KIAA0232: variants seen among roughly 807,000 people sequenced by gnomAD.
The protein encoded by KIAA0232 is KIAA0232.
KIAA0232 carries 27 observed loss-of-function variants against 122.0 expected under a neutral mutation model. The ratio of observed to expected loss-of-function variants is 0.22; its 90% CI spans 0.16 to 0.31. The LOEUF (loss-of-function observed/expected upper bound fraction) is 0.31. KIAA0232 is among the 10% of genes least tolerant of loss of function. The pLI is 1.00. For synonymous variants in KIAA0232, 613 were observed against 587.6 expected (o/e 1.04, Z -0.63); for missense variants, 1,551 against 1,634.2 (o/e 0.95, Z 0.88).
intron 8 of KIAA0232, among the ~76,000 whole-genome samples, chr4:6,872,641 C>T (rs1002053307): frequency 6.6e-5 from 10 of 152,194 alleles, no homozygotes; most frequent in Admixed American, 6.5e-4. Flanking sequence ...TTGGCTACCA[C>T]ATTTATTTAA....
At chr4:6,859,189 C>A (rs1720727289) in intron 6 of KIAA0232, among the ~76,000 whole-genome samples, 3 of 151,430 alleles carry the variant, frequency 2.0e-5, no homozygotes, top group African/African-American at 7.3e-5. Flanking sequence ...CTGTTTACTG[C>A]AGAGGGAACA....
At chr4:6,867,333 G>A (rs1193575866) in intron 7 of KIAA0232, among the ~76,000 whole-genome samples, 1 of 152,176 alleles carries the variant, frequency 6.6e-6, no homozygotes, top group Non-Finnish European at 1.5e-5. Context: ...GACGGAGGCA[G>A]GGCAGTCCAG....
At chr4:6,850,474 A>C (rs947776546) in intron 4 of KIAA0232, among the ~76,000 whole-genome samples, 3 of 152,036 alleles carry the variant, frequency 2.0e-5, no homozygotes, top group African/African-American at 7.2e-5. Flanking sequence ...ACCATACTCT[A>C]TATATTTTTG....
Position 6,863,003 on chromosome 4 carries a change from C to T in KIAA0232, c.2621C>T (p.Pro874Leu). The part of the protein sequence containing the change: ...AEAELETLQE[P>L]DKAVRRSEYH... ...GCTGAACTGGAGACCCTTCAGGAGC[C>T]TGATAAGGCTGTGCGGAGGTCAGAG... The change falls in exon 7 of 10, where the codon CCT becomes CTT. Residue 874 changes from proline to leucine, a missense_variant. Coordinates refer to ENST00000307659, the MANE Select transcript of KIAA0232 (RefSeq NM_014743.3). 1.2e-6 allele frequency: 2 copies of T among 1,614,204 alleles called. No homozygotes were observed. The highest frequency in any genetic ancestry group is 1.7e-6 in the Non-Finnish European group (2 of 1,180,030).
chr4:6,833,053 T>C (rs1414082778), intron 3 of KIAA0232, among the ~76,000 whole-genome samples: 1 of 152,224 alleles, frequency 6.6e-6, no homozygotes, highest in Non-Finnish European at 1.5e-5. Context: ...TTCAGCCTAT[T>C]TGTAACATAC....
chr4:6,836,997 C>A (rs1288132304), intron 3 of KIAA0232, among the ~76,000 whole-genome samples: 2 of 152,344 alleles, frequency 1.3e-5, no homozygotes, highest in East Asian at 1.9e-4. Flanking sequence ...CCCCACACTT[C>A]CCCCCTTTCT....
At chr4:6,842,251 G>T in intron 4 of KIAA0232, 47 bp downstream of exon 4, 1 of 1,529,390 alleles carries the variant, frequency 6.5e-7, no homozygotes, top group Non-Finnish European at 8.7e-7. Flanking sequence ...AAAAGAAGGG[G>T]TGATTTAAGT....
intron 4 of KIAA0232, among the ~76,000 whole-genome samples, chr4:6,844,008 C>T (rs892940733): frequency 1.4e-4 from 18 of 129,106 alleles, no homozygotes; most frequent in African/African-American, 4.6e-4. Context: ...GGCGCCATCT[C>T]GGCTCACTGC....
intron 8 of KIAA0232, 38 bp from the exon 9 acceptor site, chr4:6,876,622 C>G: frequency 1.5e-6 from 2 of 1,328,032 alleles, no homozygotes; most frequent in Non-Finnish European, 2.2e-6. Context: ...GAATTTCCCC[C>G]TTTCCCTCTT....
rs772250403 is a variant in KIAA0232, at chr4:6,863,504, CCTTTGA to C, written c.3126_3131del (p.Phe1042_Asp1043del). On this transcript the variant is annotated inframe_deletion, in exon 7 of 10. Transcript: ENST00000307659. ...CCTGGACTTGAATACTCATTTTCTTCCTTTGACTTAAGCAATCCATTTTCACAAGTT... is the reference window on the plus strand; with the variant it reads ...CCTGGACTTGAATACTCATTTTCTTCCTTAAGCAATCCATTTTCACAAGTT... The C allele has an allele frequency of 1.2e-6, 2 of 1,614,154 alleles. No homozygotes were observed. The highest frequency in any genetic ancestry group is 1.7e-6 in the Non-Finnish European group (2 of 1,180,032).
Position 6,862,104 on chromosome 4 carries a change from A to G in KIAA0232, c.1722A>G (p.Val574=), listed in dbSNP as rs1310983186. The part of the protein sequence containing the change: ...RAIWTDSTSS[V]GAEGLFLQDL... The stretch of plus-strand genomic sequence containing the variant: ...TATGGACAGATTCTACCAGCTCCGT[A>G]GGTGCTGAGGGCTTATTCCTGCAGG... The change falls in exon 7 of 10, where the codon GTA becomes GTG. Residue 574 remains valine (V), a synonymous_variant. Transcript: ENST00000307659. 5.6e-6 allele frequency: 9 copies of G among 1,614,086 alleles called. No individual in the cohort carries two copies. In the African/African-American group the frequency reaches 1.2e-4, roughly 22 times the overall value.
intron 4 of KIAA0232, among the ~76,000 whole-genome samples, chr4:6,850,633 C>T (rs1046620963): frequency 4.0e-5 from 6 of 151,414 alleles, no homozygotes; most frequent in Admixed American, 6.6e-5. Context: ...AATTGCTTCT[C>T]ATTTTGGGCT....
intron 1 of KIAA0232, among the ~76,000 whole-genome samples, chr4:6,793,481 A>G (rs985454555): frequency 1.9e-4 from 29 of 152,242 alleles, no homozygotes; most frequent in Non-Finnish European, 4.3e-4. Context: ...GAAACAGCCT[A>G]AGTTTCAGTG....
rs527610124 is a variant in KIAA0232, at chr4:6,874,963, G to A, written c.3911-1697G>A. The stretch of plus-strand genomic sequence containing the variant: ...ATGAAGGAGTGGGGTGTGGAGATGG[G>A]CCTGCCTGCCTCTGAGCTATCCTTG... On this transcript the variant is annotated intron_variant, in intron 8 of 9. Transcript: ENST00000307659. Among the ~76,000 whole-genome samples the A allele has an allele frequency of 2.5e-4, 38 of 152,330 alleles. No homozygotes were observed. In the South Asian group the frequency reaches 6.6e-3, roughly 27 times the overall value.
intron 1 of KIAA0232, among the ~76,000 whole-genome samples, chr4:6,803,499 G>T (rs1262663899): frequency 6.6e-6 from 1 of 152,108 alleles, no homozygotes; most frequent in Non-Finnish European, 1.5e-5. Context: ...GTAGTTACTG[G>T]TAGTTAGAAA....
Position 6,838,134 on chromosome 4 carries a change from T to C in KIAA0232, c.232-3933T>C, listed in dbSNP as rs569982589. On this transcript the variant is annotated intron_variant, in intron 3 of 9. Coordinates refer to ENST00000307659, the MANE Select transcript of KIAA0232 (RefSeq NM_014743.3). ...ACCTTTCAGATTCTGAGAAAAATTA[T>C]CTCCATTCTAAAAGATCTTACCCGA... Among the ~76,000 whole-genome samples, 328 of 152,120 alleles carry C rather than the reference T, an allele frequency of 2.2e-3. 1 individual carries two copies. Among genetic ancestry groups the C allele is most frequent in the African/African-American group, 7.2e-3 (299 of 41,492 alleles).
chr4:6,825,599 G>A (rs1407164987), intron 3 of KIAA0232, among the ~76,000 whole-genome samples: 1 of 151,970 alleles, frequency 6.6e-6, no homozygotes. Flanking sequence ...GAGAGAAAGA[G>A]AAAGCAAGAG....
At chr4:6,843,019 A>T (rs1419100040) in intron 4 of KIAA0232, among the ~76,000 whole-genome samples, 1 of 152,198 alleles carries the variant, frequency 6.6e-6, no homozygotes, top group Non-Finnish European at 1.5e-5. Flanking sequence ...CTGTATTGGC[A>T]TATGATTTAT....
chr4:6,806,717 G>T, intron 2 of KIAA0232, among the ~76,000 whole-genome samples: 1 of 105,594 alleles, frequency 9.5e-6, no homozygotes, highest in Non-Finnish European at 1.7e-5. Context: ...CTGGGTGACA[G>T]AGCTAGATAG....
Sources: allele counts gnomAD v4.1 joint callset (sites outside exome capture counted in the v4.1 genomes callset), GRCh38; gene constraint gnomAD v4.1.1; transcripts MANE v1.5; gene names NCBI Gene and HGNC (gene_info 2026-07-23, HGNC 2026-07-21).